The following PSMD9 variants were observed in gnomAD, a reference collection of about 807,000 sequenced individuals.
The protein encoded by PSMD9 is 26S proteasome non-ATPase regulatory subunit 9.
PSMD9 carries 26 observed loss-of-function variants against 25.9 expected under a neutral mutation model. The observed-to-expected ratio is 1.00, with a 90% confidence interval of 0.73 to 1.39. The LOEUF (loss-of-function observed/expected upper bound fraction) is 1.39. PSMD9 is among the 40% of genes most tolerant of loss of function. PSMD9 has a pLI of 0.00. For missense variants in PSMD9, 303 were observed against 299.3 expected (o/e 1.01, Z -0.09); for synonymous variants, 110 against 114.5 (o/e 0.96, Z 0.25).
chr12:121,901,666 C>CTTCTTTTTTTTTTTTTTTTTT (rs1879401097), intron 3 of PSMD9, among the ~76,000 whole-genome samples: 1 of 93,610 alleles, frequency 1.1e-5, no homozygotes, highest in African/African-American at 5.9e-5. Context: ...TTCATTCCTT[C>CTTCTTTTTTTTTTTTTTTTTT]TTTTTTTTTT....
intron 4 of PSMD9, among the ~76,000 whole-genome samples, chr12:121,904,782 T>C (rs1313450199): frequency 1.3e-5 from 2 of 148,542 alleles, no homozygotes; most frequent in East Asian, 2.0e-4. Flanking sequence ...CTCAGCCTCC[T>C]GAGTAGCTGG....
intron 2 of PSMD9, chr12:121,898,922 G>T (rs946829753): frequency 6.6e-6 from 1 of 152,154 alleles, no homozygotes; most frequent in Admixed American, 6.6e-5. Flanking sequence ...GGGTTTCACC[G>T]TGTTAGCCAG....
intron 4 of PSMD9, chr12:121,910,938 G>A (rs148764177): frequency 2.6e-4 from 119 of 456,036 alleles, no homozygotes; most frequent in African/African-American, 2.1e-3. Flanking sequence ...CCCACTTTCC[G>A]CAGGCCCTGG....
chr12:121,896,380 G>A (rs1266101350), intron 2 of PSMD9, among the ~76,000 whole-genome samples: 1 of 151,970 alleles, frequency 6.6e-6, no homozygotes, highest in Non-Finnish European at 1.5e-5. Context: ...TGAGACAGGA[G>A]AATCACTTGA....
intron 1 of PSMD9, 25 bp from the exon 2 acceptor site, chr12:121,894,714 T>C (rs1204597428): frequency 6.2e-7 from 1 of 1,607,608 alleles, no homozygotes; most frequent in Non-Finnish European, 8.5e-7. Context: ...CATGAGCACC[T>C]TTTAACCACG....
chr12:121,902,712 T>G, intron 3 of PSMD9: 1 of 341,394 alleles, frequency 2.9e-6, no homozygotes, highest in Non-Finnish European at 5.7e-6. Context: ...CATTTGGCCT[T>G]TCCCATGCTC....
intron 1 of PSMD9, among the ~76,000 whole-genome samples, chr12:121,891,695 C>T (rs1879084531): frequency 6.6e-6 from 1 of 151,284 alleles, no homozygotes; most frequent in South Asian, 2.1e-4. Flanking sequence ...CGCTTGAGGT[C>T]AGGAGTCCGA....
intron 3 of PSMD9, among the ~76,000 whole-genome samples, chr12:121,900,944 C>G (rs1254733678): frequency 6.7e-6 from 1 of 148,876 alleles, no homozygotes; most frequent in Non-Finnish European, 1.5e-5. Flanking sequence ...GAGATCGTGC[C>G]ACTACACTCC....
chr12:121,897,195 A>C (rs1369053357), intron 2 of PSMD9: 1 of 151,976 alleles, frequency 6.6e-6, no homozygotes, highest in Non-Finnish European at 1.5e-5. Flanking sequence ...GTGTATACAC[A>C]CAGGTTCAAG....
At chr12:121,912,377 G>A (rs1879751233) in intron 4 of PSMD9, among the ~76,000 whole-genome samples, 1 of 152,006 alleles carries the variant, frequency 6.6e-6, no homozygotes, top group Admixed American at 6.6e-5. Context: ...TTCCACTGCC[G>A]TGCACCGTTT....
At chr12:121,911,881 G>C (rs1879733889) in intron 4 of PSMD9, among the ~76,000 whole-genome samples, 1 of 151,678 alleles carries the variant, frequency 6.6e-6, no homozygotes, top group Admixed American at 6.6e-5. Context: ...TCGAACTCCT[G>C]ACCTCAAGTA....
chr12:121,894,991 G>T, intron 2 of PSMD9, 150 bp downstream of exon 2: 1 of 670,054 alleles, frequency 1.5e-6, no homozygotes, highest in East Asian at 2.8e-5. Context: ...AGAACCAAGG[G>T]AATGGGCTAG....
intron 2 of PSMD9, among the ~76,000 whole-genome samples, chr12:121,895,416 A>G (rs1300502468): frequency 1.3e-5 from 2 of 152,194 alleles, no homozygotes; most frequent in Non-Finnish European, 2.9e-5. Flanking sequence ...AAGAGCTAGC[A>G]GAGAGTACAG....
At chr12:121,911,542 T>A (rs1432212808) in intron 4 of PSMD9, among the ~76,000 whole-genome samples, 1 of 152,210 alleles carries the variant, frequency 6.6e-6, no homozygotes, top group Admixed American at 6.6e-5. Flanking sequence ...TGTAGCAATA[T>A]CTGTTCAAAT....
chr12:121,916,017 A>C, intron 5 of PSMD9, 73 bp downstream of exon 5: 6 of 1,471,144 alleles, frequency 4.1e-6, no homozygotes, highest in Non-Finnish European at 5.7e-6. Flanking sequence ...GCTGGAGGGG[A>C]AGGCTGGGGA....
At position 121,917,916 on chromosome 12, in the gene PSMD9, C is replaced by G. The variant is rs1879972027; in HGVS notation, c.*1605C>G. On this transcript the variant is annotated 3_prime_UTR_variant, in exon 6 of 6. Transcript: ENST00000541212. ...ATGCATATTAATCAATTTACCATCA[C>G]TGGGGCATGGCAGTGTGGGCGGGGA... is the stretch of plus-strand genomic sequence containing the variant. 1 of 152,198 alleles carries G rather than the reference C, an allele frequency of 6.6e-6. No individual in the cohort carries two copies. The highest frequency in any genetic ancestry group is 1.5e-5 in the Non-Finnish European group (1 of 68,050). The allele number at this position is 152,198 out of a possible 1,614,324, so 9.4% of individuals were successfully genotyped here. A position where few individuals can be genotyped will look rare whatever the true frequency, so the allele number is the denominator to read the frequency against.
chr12:121,899,562 C>A, intron 2 of PSMD9, 72 bp from the exon 3 acceptor site: 1 of 1,383,600 alleles, frequency 7.2e-7, no homozygotes, highest in Non-Finnish European at 9.9e-7. Context: ...GTTAACTCTT[C>A]AGTGAATAAA....
At position 121,904,691 on chromosome 12, in the gene PSMD9, T is replaced by TCTGTCACC. The variant is rs1180389574; in HGVS notation, c.555+1586_555+1593dup. On this transcript the variant is annotated intron_variant, in intron 4 of 5. Coordinates refer to ENST00000541212, the MANE Select transcript of PSMD9 (RefSeq NM_002813.7). ...ATTATTATTTGAGATGGAGTCTCGC[T>TCTGTCACC]CTGTCACCCAGGCTGGAGTGCAGTG... Among the ~76,000 whole-genome samples, 2 of 129,452 alleles carry TCTGTCACC rather than the reference T, an allele frequency of 1.5e-5. 1 individual carries two copies. Among genetic ancestry groups the TCTGTCACC allele is most frequent in the African/African-American group, 6.0e-5 (2 of 33,238 alleles). The allele number at this position is 129,452 out of a possible 152,430, so 84.9% of individuals were successfully genotyped here.
rs371790366 is a variant in PSMD9 at position 121,899,624 on chromosome 12, C to G, written c.242-10C>G. ...CTTCCTTGGCCCCTGATGTGTGGTT[C>G]TCATCCCAGGCCTGCAGAATGATCA... On this transcript the variant is annotated splice_polypyrimidine_tract_variant and intron_variant, in intron 2 of 5. Coordinates refer to ENST00000541212, the MANE Select transcript of PSMD9 (RefSeq NM_002813.7). 69 of 1,589,094 alleles carry G rather than the reference C, an allele frequency of 4.3e-5. No homozygotes were observed. Among genetic ancestry groups the G allele is most frequent in the Non-Finnish European group, 5.5e-5 (64 of 1,167,452 alleles).
Sources: allele counts gnomAD v4.1 joint callset (sites outside exome capture counted in the v4.1 genomes callset), GRCh38; gene constraint gnomAD v4.1.1; transcripts MANE v1.5; gene names NCBI Gene and HGNC (gene_info 2026-07-23, HGNC 2026-07-21).